The following GALNTL5 variants were observed in gnomAD, a reference collection of about 807,000 sequenced individuals.
GALNTL5 encodes the protein inactive polypeptide N-acetylgalactosaminyltransferase-like protein 5.
In GALNTL5, 44 loss-of-function variants were observed where a neutral mutation model predicts 51.0. That is an observed-to-expected ratio of 0.86 (90% CI 0.68 to 1.11). The LOEUF is 1.11. Ranked by LOEUF, GALNTL5 falls within the 50% of genes least tolerant of loss-of-function variation. The pLI is 0.00. For missense variants in GALNTL5, 528 were observed against 531.8 expected, an observed-to-expected ratio of 0.99 and a Z score of 0.07; for synonymous variants, 192 against 182.8, an observed-to-expected ratio of 1.05 and a Z score of -0.41.
At chr7:152,003,568 G>A (rs918959166) in intron 6 of GALNTL5, among the ~76,000 whole-genome samples, 1 of 152,158 alleles carries the variant, frequency 6.6e-6, no homozygotes, top group Non-Finnish European at 1.5e-5. Flanking sequence ...ATAGCATAAG[G>A]CTTGACACAG....
At chr7:152,010,723 G>A (rs143475111) in intron 7 of GALNTL5, among the ~76,000 whole-genome samples, 2,226 of 151,836 alleles carry the variant, frequency 0.015, 61 homozygotes, top group African/African-American at 0.051. Context: ...AGCCGAGATC[G>A]TGCCACTGCA....
chr7:151,958,272 G>GCA (rs1295559670), intron 1 of GALNTL5, among the ~76,000 whole-genome samples: 2 of 152,168 alleles, frequency 1.3e-5, no homozygotes, highest in African/African-American at 2.4e-5. Context: ...CCTAGATTCT[G>GCA]CACACACACA....
At chr7:151,992,097 G>A (rs77074790) in intron 5 of GALNTL5, among the ~76,000 whole-genome samples, 1 of 152,184 alleles carries the variant, frequency 6.6e-6, no homozygotes. Flanking sequence ...AGATCTTTTG[G>A]TATATTTGAT....
At chr7:152,013,366 A>C (rs1056586559) in intron 7 of GALNTL5, among the ~76,000 whole-genome samples, 2 of 152,130 alleles carry the variant, frequency 1.3e-5, no homozygotes, top group African/African-American at 4.8e-5. Flanking sequence ...AAAAAAAAAA[A>C]CAAAAACTGG....
chr7:151,962,289 C>T (rs1464190420), intron 1 of GALNTL5, among the ~76,000 whole-genome samples: 1 of 152,042 alleles, frequency 6.6e-6, no homozygotes, highest in Non-Finnish European at 1.5e-5. Context: ...ACCTGAGCCA[C>T]AGAGCCCAGC....
Position 151,995,347 on chromosome 7 carries a change from A to ATTTTT in GALNTL5, c.659-7367_659-7366insTTTTT, listed in dbSNP as rs1563017632. 2 of 90,980 alleles carry ATTTTT rather than the reference A, an allele frequency of 2.2e-5. 1 individual carries two copies. Among genetic ancestry groups the ATTTTT allele is most frequent in the African/African-American group, 8.0e-5 (2 of 24,902 alleles). The allele number at this position is 90,980 out of a possible 1,614,324, so 5.6% of individuals were successfully genotyped here. A position where few individuals can be genotyped will look rare whatever the true frequency, so the allele number is the denominator to read the frequency against. On this transcript the variant is annotated intron_variant, in intron 5 of 8. Transcript: ENST00000392800. ...AAGAAATCTACGATCAGTTGGTATGAATTTTTTTTTTTTTTTTTTTTTTTT... is the reference window on the plus strand; with the variant it reads ...AAGAAATCTACGATCAGTTGGTATGATTTTTATTTTTTTTTTTTTTTTTTTTTTTT...
chr7:151,961,150 C>T (rs2080986312), intron 1 of GALNTL5, among the ~76,000 whole-genome samples: 1 of 152,080 alleles, frequency 6.6e-6, no homozygotes, highest in Non-Finnish European at 1.5e-5. Context: ...TATGATCATG[C>T]CAACTGCACT....
intron 1 of GALNTL5, among the ~76,000 whole-genome samples, chr7:151,964,277 G>A (rs2081029565): frequency 6.6e-6 from 1 of 152,136 alleles, no homozygotes; most frequent in Non-Finnish European, 1.5e-5. Flanking sequence ...TCGCACTGGG[G>A]CTTGGTGCTT....
At chr7:151,981,712 G>T (rs2081294149) in intron 3 of GALNTL5, among the ~76,000 whole-genome samples, 1 of 126,834 alleles carries the variant, frequency 7.9e-6, no homozygotes, top group Non-Finnish European at 1.6e-5. Flanking sequence ...GCAGTGGTAT[G>T]GTCTTGGCTC....
At chr7:152,010,843 C>T (rs2081727207) in intron 7 of GALNTL5, among the ~76,000 whole-genome samples, 1 of 151,876 alleles carries the variant, frequency 6.6e-6, no homozygotes, top group African/African-American at 2.4e-5. Context: ...AAAAGGAGAA[C>T]CTAGCCTTCT....
At chr7:151,977,490 C>T (rs1357778476) in intron 3 of GALNTL5, among the ~76,000 whole-genome samples, 1 of 152,028 alleles carries the variant, frequency 6.6e-6, no homozygotes, top group Non-Finnish European at 1.5e-5. Flanking sequence ...AGGTTAAGAC[C>T]TTATTTTCTC....
At chr7:152,008,854 GT>G (rs1399474415) in intron 7 of GALNTL5, among the ~76,000 whole-genome samples, 1 of 151,808 alleles carries the variant, frequency 6.6e-6, no homozygotes, top group Non-Finnish European at 1.5e-5. Flanking sequence ...ATTATTCCTT[GT>G]TTTATTATAT....
At chr7:151,986,408 G>A (rs780222847) in intron 4 of GALNTL5, among the ~76,000 whole-genome samples, 1 of 152,216 alleles carries the variant, frequency 6.6e-6, no homozygotes, top group Non-Finnish European at 1.5e-5. Flanking sequence ...ACCAAGATGG[G>A]AGGATCCCTT....
chr7:151,973,511 A>G lies in GALNTL5; in HGVS notation c.368+2446A>G, dbSNP rs142720483. On this transcript the variant is annotated intron_variant, in intron 3 of 8. Transcript: ENST00000392800. ...TAATGTCTGCCCCGCTGGGTTTCAG[A>G]CTTGCATGGGGCCTGTGGCCCCTTT... Among the ~76,000 whole-genome samples, 1,253 of 151,522 alleles carry G rather than the reference A, an allele frequency of 8.3e-3. 13 individuals carry two copies. The highest frequency in any genetic ancestry group is 0.032 in the South Asian group (153 of 4,790).
chr7:151,967,266 A>G lies in GALNTL5; in HGVS notation c.20A>G (p.Gln7Arg), dbSNP rs1489221316. Reference sequence around the variant, plus strand: ...TTTACAATGAGAAATGCCATAATTCAAGGTTTATTCTATGGGTCCTTGACA... The same window carrying G: ...TTTACAATGAGAAATGCCATAATTCGAGGTTTATTCTATGGGTCCTTGACA... MRNAII[Q>R]GLFYGSLTFG... Residue 7 changes from glutamine to arginine, a missense_variant, in exon 2 of 9, where the codon CAA becomes CGA. Physicochemically the swap from Gln to Arg is conservative, Grantham distance 43. Coordinates refer to ENST00000392800, the MANE Select transcript of GALNTL5 (RefSeq NM_145292.4). 3 of 1,611,704 alleles carry G rather than the reference A, an allele frequency of 1.9e-6. No individual in the cohort carries two copies. The highest frequency in any genetic ancestry group is 1.1e-5 in the South Asian group (1 of 90,658).
At chr7:151,990,864 C>T (rs1207144617) in intron 5 of GALNTL5, among the ~76,000 whole-genome samples, 4 of 152,104 alleles carry the variant, frequency 2.6e-5, no homozygotes, top group Non-Finnish European at 5.9e-5. Context: ...GGAGGGCTTC[C>T]CTCAATCAGG....
At chr7:151,963,542 C>T (rs746594749) in intron 1 of GALNTL5, among the ~76,000 whole-genome samples, 4 of 152,150 alleles carry the variant, frequency 2.6e-5, no homozygotes, top group Non-Finnish European at 5.9e-5. Context: ...GGATTATAGA[C>T]GTGGGCAATC....
chr7:151,985,029 G>A (rs564212338), intron 4 of GALNTL5, among the ~76,000 whole-genome samples: 26 of 152,252 alleles, frequency 1.7e-4, no homozygotes, highest in African/African-American at 6.0e-4. Context: ...TTGGAAGTCC[G>A]AGATGAGGGT....
At chr7:151,989,799 T>C (rs1220109197) in intron 5 of GALNTL5, among the ~76,000 whole-genome samples, 4 of 152,222 alleles carry the variant, frequency 2.6e-5, no homozygotes, top group Non-Finnish European at 4.4e-5. Context: ...CCTTTTCTTT[T>C]CTTGGTATTA....
Sources: allele counts gnomAD v4.1 joint callset (sites outside exome capture counted in the v4.1 genomes callset), GRCh38; gene constraint gnomAD v4.1.1; transcripts MANE v1.5; gene names NCBI Gene and HGNC (gene_info 2026-07-23, HGNC 2026-07-21).